Variants in R3HDM2 observed in about 807,000 individuals in gnomAD.
R3HDM2 encodes the protein R3H domain-containing protein 2.
Under a neutral mutation model 124.5 loss-of-function variants are expected in R3HDM2, and 38 were observed. The ratio of observed to expected loss-of-function variants is 0.31; its 90% confidence interval spans 0.24 to 0.40. R3HDM2 has a LOEUF of 0.40. R3HDM2 is among the 10% of genes least tolerant of loss of function. R3HDM2 has a pLI of 1.00. For synonymous variants in R3HDM2, 391 were observed against 448.0 expected, an observed-to-expected ratio of 0.87 and a Z score of 1.61; for missense variants, 869 against 1,236.9, an observed-to-expected ratio of 0.70 and a Z score of 4.46.
intron 2 of R3HDM2, among the ~76,000 whole-genome samples, chr12:57,366,969 GAGCC>G (rs1456529449): frequency 6.6e-6 from 1 of 152,102 alleles, no homozygotes; most frequent in Non-Finnish European, 1.5e-5. Context: ...TTACAGGTGT[GAGCC>G]ACCACGCCCA....
intron 4 of R3HDM2, 132 bp downstream of exon 4, chr12:57,303,044 C>T: frequency 2.5e-6 from 2 of 798,966 alleles, no homozygotes; most frequent in South Asian, 1.6e-5. Flanking sequence ...CGCAGGTTCA[C>T]AATTGGGGTA....
At chr12:57,388,083 G>C (rs1317500676) in intron 2 of R3HDM2, among the ~76,000 whole-genome samples, 1 of 152,076 alleles carries the variant, frequency 6.6e-6, no homozygotes, top group African/African-American at 2.4e-5. Flanking sequence ...TCTTGCCTCA[G>C]CCTCCCAACT....
intron 2 of R3HDM2, among the ~76,000 whole-genome samples, chr12:57,332,556 C>T (rs1011917968): frequency 6.6e-6 from 1 of 152,028 alleles, no homozygotes; most frequent in African/African-American, 2.4e-5. Flanking sequence ...GGATGGCTTT[C>T]CCAAATTTTC....
At position 57,254,544 on chromosome 12, in the gene R3HDM2, GTGA is replaced by G. The variant is rs996377029; in HGVS notation, c.*226_*228del. 4 of 488,302 alleles carry G rather than the reference GTGA, an allele frequency of 8.2e-6. No individual in the cohort carries two copies. Among genetic ancestry groups the G allele is most frequent in the African/African-American group, 8.1e-5 (4 of 49,248 alleles). 30.2% of individuals were successfully genotyped at this position (488,302 alleles called of 1,614,324 possible). A position where few individuals can be genotyped will look rare whatever the true frequency, so the allele number is the denominator to read the frequency against. Reference sequence around the variant, plus strand: ...AAAAAAGAAGAGGATGGGAAGAAGAGTGATGCAAGGGGGGTCAACCAGGGAAAA... The same window carrying G: ...AAAAAAGAAGAGGATGGGAAGAAGAGTGCAAGGGGGGTCAACCAGGGAAAA... On this transcript the variant is annotated 3_prime_UTR_variant, in exon 24 of 24. Transcript: ENST00000402412.
chr12:57,343,253 C>G (rs1237239280), intron 2 of R3HDM2, among the ~76,000 whole-genome samples: 1 of 147,136 alleles, frequency 6.8e-6, no homozygotes, highest in Non-Finnish European at 1.5e-5. Flanking sequence ...TCCAATGGCG[C>G]GATCTTGGCT....
chr12:57,335,510 T>C (rs1446359697), intron 2 of R3HDM2, among the ~76,000 whole-genome samples: 1 of 150,296 alleles, frequency 6.7e-6, no homozygotes, highest in Non-Finnish European at 1.5e-5. Context: ...TTTTTTTTTT[T>C]TTTAAGTGAC....
At chr12:57,341,405 T>G in intron 2 of R3HDM2, 1 of 984,594 alleles carries the variant, frequency 1.0e-6, no homozygotes, top group Non-Finnish European at 1.2e-6. Context: ...TGGATTTTTC[T>G]TCTTCCTTCT....
chr12:57,344,995 C>T lies in R3HDM2; in HGVS notation c.-35-34532G>A, dbSNP rs146675643. Among the ~76,000 whole-genome samples the T allele has an allele frequency of 3.1e-4, 47 of 152,078 alleles. No individual in the cohort carries two copies. The East Asian group carries it at 5.4e-3, about 18-fold the overall frequency. On this transcript the variant is annotated intron_variant, in intron 2 of 23. Coordinates refer to ENST00000402412, the MANE Select transcript of R3HDM2 (RefSeq NM_001394031.1). ...GATTACAGGCATGCACCACCATGTC[C>T]GGCTAATTTTGTATTTTTAGTAGAT... is the stretch of plus-strand genomic sequence containing the variant.
Position 57,280,402 on chromosome 12 carries a change from T to C in R3HDM2, c.1300A>G (p.Thr434Ala). Residue 434 changes from threonine to alanine, a missense_variant, in exon 14 of 24, where the codon ACG (threonine) becomes GCG (alanine). Thr to Ala is a moderately conservative substitution (Grantham distance 58). Transcript: ENST00000402412. ...QQQQLPALPPTPQQQPPLNNH... is the reference protein window; with the variant it reads ...QQQQLPALPPAPQQQPPLNNH... ...TTCAAGGGTGGCTGTTGCTGAGGCG[T>C]GGGTGGGAGAGCAGGAAGTTGCTGC... 1 of 1,613,876 alleles carries C rather than the reference T, an allele frequency of 6.2e-7. No individual in the cohort carries two copies. The highest frequency in any genetic ancestry group is 8.5e-7 in the Non-Finnish European group (1 of 1,179,916).
At chr12:57,381,544 CAAAA>C (rs66778122) in intron 2 of R3HDM2, among the ~76,000 whole-genome samples, 1 of 76,600 alleles carries the variant, frequency 1.3e-5, no homozygotes. Flanking sequence ...GACTCCATCT[CAAAA>C]AAAAAAAAAA....
At chr12:57,430,489 G>GGCCCCCCCCCCCCCCCCCCCCCCCC in intron 1 of R3HDM2, 3 of 790,576 alleles carry the variant, frequency 3.8e-6, no homozygotes, top group Non-Finnish European at 4.6e-6. Context: ...CCACCCCCCT[G>GGCCCCCCCCCCCCCCCCCCCCCCCC]CCCCCGCACC....
chr12:57,416,478 T>A (rs1478068576), intron 1 of R3HDM2, among the ~76,000 whole-genome samples: 3 of 152,122 alleles, frequency 2.0e-5, no homozygotes, highest in Admixed American at 1.3e-4. Context: ...CAATAGAAAC[T>A]TGCCCTGTCC....
intron 2 of R3HDM2, among the ~76,000 whole-genome samples, chr12:57,375,358 A>G (rs2063906649): frequency 6.6e-6 from 1 of 152,202 alleles, no homozygotes; most frequent in African/African-American, 2.4e-5. Context: ...TAAGTAAGCA[A>G]ACAAATGGTA....
At chr12:57,366,366 G>A (rs1262511277) in intron 2 of R3HDM2, among the ~76,000 whole-genome samples, 1 of 152,104 alleles carries the variant, frequency 6.6e-6, no homozygotes, top group African/African-American at 2.4e-5. Flanking sequence ...CATTTGCTAT[G>A]TCTTCAAGTT....
Position 57,310,476 on chromosome 12 carries a change from C to T in R3HDM2, c.-35-13G>A. 2.2e-6 allele frequency: 3 copies of T among 1,379,860 alleles called. No homozygotes were observed. In the East Asian group the frequency reaches 8.0e-5, roughly 37 times the overall value. 85.5% of individuals were successfully genotyped at this position (1,379,860 alleles called of 1,614,324 possible). A position where few individuals can be genotyped will look rare whatever the true frequency, so the allele number is the denominator to read the frequency against. ...CCTCTATGGACTCCTAAAGAAACAT[C>T]AAATGCATTAAGCAGGAGGTATGTA... On this transcript the variant is annotated splice_polypyrimidine_tract_variant and intron_variant, in intron 2 of 23. Coordinates refer to ENST00000402412, the MANE Select transcript of R3HDM2 (RefSeq NM_001394031.1).
chr12:57,372,549 T>C (rs1384556082), intron 2 of R3HDM2, among the ~76,000 whole-genome samples: 1 of 152,126 alleles, frequency 6.6e-6, no homozygotes, highest in Non-Finnish European at 1.5e-5. Flanking sequence ...AAAAATCAAA[T>C]ATTTTTCAGG....
chr12:57,286,887 A>T (rs1171186989), intron 12 of R3HDM2, among the ~76,000 whole-genome samples: 4 of 148,860 alleles, frequency 2.7e-5, no homozygotes, highest in African/African-American at 7.4e-5. Context: ...TCAGGGAAAT[A>T]AAAAAAAAAG....
At chr12:57,256,611 T>G in intron 21 of R3HDM2, 100 bp from the exon 22 acceptor site, 1 of 806,264 alleles carries the variant, frequency 1.2e-6, no homozygotes, top group East Asian at 2.8e-5. Context: ...ATGCATACTA[T>G]TCCTAATTTT....
At chr12:57,375,156 C>T (rs1209370519) in intron 2 of R3HDM2, among the ~76,000 whole-genome samples, 1 of 151,672 alleles carries the variant, frequency 6.6e-6, no homozygotes, top group Non-Finnish European at 1.5e-5. Context: ...TTCTCTGCAG[C>T]CATCAAAATA....
Sources: gnomAD v4.1 joint callset for allele counts (sites outside exome capture counted in the v4.1 genomes callset) on GRCh38, gnomAD v4.1.1 for gene constraint, MANE v1.5 for transcripts, NCBI Gene and HGNC (gene_info 2026-07-23, HGNC 2026-07-21) for gene names.